LARP1B: variants seen among roughly 807,000 people sequenced by gnomAD.
LARP1B encodes the protein La ribonucleoprotein 1B.
LARP1B carries 76 observed loss-of-function variants against 114.2 expected under a neutral mutation model. The ratio of observed to expected loss-of-function variants is 0.67; its 90% CI spans 0.55 to 0.81. The LOEUF is 0.81. Ranked by LOEUF, LARP1B falls within the 30% of genes least tolerant of loss-of-function variation. The pLI, the probability that LARP1B is intolerant of heterozygous loss-of-function variation, is 0.00. For synonymous variants in LARP1B, 345 were observed against 348.0 expected (o/e 0.99, Z 0.10); for missense variants, 1,014 against 1,075.8 (o/e 0.94, Z 0.80).
chr4:128,084,661 C>T (rs1424604643), intron 5 of LARP1B, among the ~76,000 whole-genome samples: 2 of 151,600 alleles, frequency 1.3e-5, no homozygotes, highest in African/African-American at 4.9e-5. Context: ...AGAGGGAGAG[C>T]GGAATTTATT....
At chr4:128,176,291 A>G (rs1287800061) in intron 12 of LARP1B, among the ~76,000 whole-genome samples, 1 of 145,172 alleles carries the variant, frequency 6.9e-6, no homozygotes, top group Non-Finnish European at 1.5e-5. Context: ...GTGTGTATAT[A>G]TATATATATA....
intron 8 of LARP1B, among the ~76,000 whole-genome samples, chr4:128,099,468 G>T (rs1215825539): frequency 1.3e-5 from 2 of 151,752 alleles, no homozygotes; most frequent in African/African-American, 4.8e-5. Context: ...TGTATTTTTA[G>T]TAGAGACAGG....
rs80017321 is a variant in LARP1B at position 128,149,044 on chromosome 4, G to A, written c.1525-13150G>A. On this transcript the variant is annotated intron_variant, in intron 11 of 19. Coordinates refer to ENST00000326639, the MANE Select transcript of LARP1B (RefSeq NM_018078.4). ...TATACTTGTTTGGGCACTTTTCAGT[G>A]GTCAGGACATTATCGAAATGTATTC... 5.4e-3 allele frequency among the ~76,000 whole-genome samples: 821 copies of A among 152,286 alleles called. 8 individuals are homozygous for A. The highest frequency in any genetic ancestry group is 0.019 in the African/African-American group (780 of 41,558).
chr4:128,130,698 G>A (rs968598888), intron 11 of LARP1B, among the ~76,000 whole-genome samples: 1 of 152,220 alleles, frequency 6.6e-6, no homozygotes, highest in Admixed American at 6.5e-5. Context: ...AATGAGTTGA[G>A]ATGTGTAGCC....
At chr4:128,102,568 A>G (rs1383707763) in intron 8 of LARP1B, among the ~76,000 whole-genome samples, 4 of 152,202 alleles carry the variant, frequency 2.6e-5, no homozygotes, top group African/African-American at 7.2e-5. Flanking sequence ...TGATACCCGT[A>G]TCTGCCCTGG....
rs183050265 is a variant in LARP1B at position 128,173,145 on chromosome 4, A to C, written c.1649-3727A>C. On this transcript the variant is annotated intron_variant, in intron 12 of 19. Coordinates refer to ENST00000326639, the MANE Select transcript of LARP1B (RefSeq NM_018078.4). Reference sequence around the variant, plus strand: ...TTTTTTGCTAGCAAAGTGTGAATCCAGGATTTGGATTCATATCTATCTGAC... The same window carrying C: ...TTTTTTGCTAGCAAAGTGTGAATCCCGGATTTGGATTCATATCTATCTGAC... Among the ~76,000 whole-genome samples the C allele has an allele frequency of 3.3e-3, 509 of 152,250 alleles. 3 individuals are homozygous for C. Among genetic ancestry groups the C allele is most frequent in the African/African-American group, 0.012 (484 of 41,544 alleles).
rs1037525506 is a variant in LARP1B at position 128,107,635 on chromosome 4, G to C, written c.988+322G>C. ...CGTTTTCCCCTGTAAAATTGGAATA[G>C]TATGATTGGATTATTCTAAAAAGGT... On this transcript the variant is annotated intron_variant, in intron 9 of 19. Transcript: ENST00000326639. The C allele has an allele frequency of 4.2e-6, 6 of 1,414,026 alleles. No homozygotes were observed. The African/African-American group carries it at 8.7e-5, about 20-fold the overall frequency. 87.6% of individuals were successfully genotyped at this position (1,414,026 alleles called of 1,614,324 possible).
chr4:128,147,847 A>G (rs1470782547), intron 11 of LARP1B, among the ~76,000 whole-genome samples: 1 of 152,240 alleles, frequency 6.6e-6, no homozygotes, highest in African/African-American at 2.4e-5. Flanking sequence ...GATAGAATAC[A>G]GTAATATGTA....
At chr4:128,105,793 G>C (rs999442765) in intron 8 of LARP1B, among the ~76,000 whole-genome samples, 3 of 152,158 alleles carry the variant, frequency 2.0e-5, no homozygotes, top group Admixed American at 6.5e-5. Context: ...TCCGAAGGCT[G>C]AGGCAGAGAA....
chr4:128,076,536 C>T (rs1303955172), intron 3 of LARP1B, among the ~76,000 whole-genome samples: 3 of 152,166 alleles, frequency 2.0e-5, no homozygotes, highest in South Asian at 2.1e-4. Context: ...ATTAATTTTA[C>T]GTTTTGGTTG....
chr4:128,189,512 A>G (rs1751545740), intron 15 of LARP1B, among the ~76,000 whole-genome samples: 1 of 151,582 alleles, frequency 6.6e-6, no homozygotes, highest in Non-Finnish European at 1.5e-5. Context: ...AATTTAGTTC[A>G]TTTACATTCA....
chr4:128,064,271 CA>C (rs10679400), intron 1 of LARP1B, among the ~76,000 whole-genome samples: 6 of 79,582 alleles, frequency 7.5e-5, no homozygotes, highest in South Asian at 5.0e-4. Context: ...GACTCAGTCT[CA>C]AAAAAAAAAA....
chr4:128,132,570 C>T (rs1351864827), intron 11 of LARP1B, among the ~76,000 whole-genome samples: 1 of 151,824 alleles, frequency 6.6e-6, no homozygotes, highest in East Asian at 1.9e-4. Flanking sequence ...TATTTTTTGT[C>T]TTAAGATCTT....
At chr4:128,183,062 G>C (rs180872182) in intron 15 of LARP1B, among the ~76,000 whole-genome samples, 1 of 152,222 alleles carries the variant, frequency 6.6e-6, no homozygotes, top group African/African-American at 2.4e-5. Flanking sequence ...TAATATAAAA[G>C]TGCAAGGTGA....
intron 4 of LARP1B, among the ~76,000 whole-genome samples, chr4:128,079,575 A>T (rs1346773602): frequency 6.7e-6 from 1 of 150,052 alleles, no homozygotes; most frequent in Non-Finnish European, 1.5e-5. Context: ...AATGTTTTTA[A>T]AATTTTGAAA....
chr4:128,217,962 C>T (rs1343909218), intron 6 of LARP1B, among the ~76,000 whole-genome samples: 2 of 113,050 alleles, frequency 1.8e-5, no homozygotes, highest in Admixed American at 2.0e-4. Flanking sequence ...GATACAAAAT[C>T]AATGTACAAA....
intron 10 of LARP1B, among the ~76,000 whole-genome samples, chr4:128,121,357 G>A (rs193147351): frequency 5.4e-4 from 82 of 151,980 alleles, no homozygotes; most frequent in Middle Eastern, 6.8e-3. Flanking sequence ...CGCTCTTGTC[G>A]CCCAGGCTCT....
chr4:128,211,285 ATATTTTGTTG>A lies in LARP1B; in HGVS notation c.*1237_*1246del. 5.2e-6 allele frequency: 5 copies of A among 964,032 alleles called. No homozygotes were observed. Among genetic ancestry groups the A allele is most frequent in the Non-Finnish European group, 6.2e-6 (5 of 810,410 alleles). The allele number at this position is 964,032 out of a possible 1,614,324, so 59.7% of individuals were successfully genotyped here. On this transcript the variant is annotated 3_prime_UTR_variant, in exon 20 of 20. Coordinates refer to ENST00000326639, the MANE Select transcript of LARP1B (RefSeq NM_018078.4). ...TTATTGAGCACTACATAATTTACAGATATTTTGTTGTATTGGCAAAAGCAAGTGGTTTCCA... is the reference window on the plus strand; with the variant it reads ...TTATTGAGCACTACATAATTTACAGATATTGGCAAAAGCAAGTGGTTTCCA...
intron 11 of LARP1B, among the ~76,000 whole-genome samples, chr4:128,127,873 A>G (rs76750600): frequency 0.011 from 1,641 of 152,314 alleles, 29 homozygotes; most frequent in African/African-American, 0.036. Context: ...ATATTTTATG[A>G]TTTCAAAACT....
Sources: allele counts gnomAD v4.1 joint callset (sites outside exome capture counted in the v4.1 genomes callset), GRCh38; gene constraint gnomAD v4.1.1; transcripts MANE v1.5; gene names NCBI Gene and HGNC (gene_info 2026-07-23, HGNC 2026-07-21).